LINGO1: variants seen among roughly 807,000 people sequenced by gnomAD.
LINGO1 encodes the protein leucine-rich repeat and immunoglobulin-like domain-containing nogo receptor-interacting protein 1.
In LINGO1, 11 loss-of-function variants were observed where a neutral mutation model predicts 37.3. The ratio of observed to expected loss-of-function variants is 0.29; its 90% confidence interval spans 0.19 to 0.49. LINGO1 has a LOEUF of 0.49. Ranked by LOEUF, LINGO1 falls within the 20% of genes least tolerant of loss-of-function variation. LINGO1 has a pLI of 0.99. For synonymous variants in LINGO1, 387 were observed against 403.0 expected, an observed-to-expected ratio of 0.96 and a Z score of 0.48; for missense variants, 585 against 878.2, an observed-to-expected ratio of 0.67 and a Z score of 4.22.
Position 77,614,935 on chromosome 15 carries a change from G to C in LINGO1, c.972C>G (p.Ala324=), listed in dbSNP as rs550891976. The change falls in exon 2 of 2, where the codon GCC becomes GCG. Residue 324 remains alanine, a synonymous_variant. Coordinates refer to ENST00000355300, the MANE Select transcript of LINGO1 (RefSeq NM_032808.7). ...CGCGGAAGGCATAGGGCTCCACCAC[G>C]GCCAGCTGCCCGCCCACCAGCTGGA... ...QEIQLVGGQL[A]VVEPYAFRGL... 41 of 1,613,940 alleles carry C rather than the reference G, an allele frequency of 2.5e-5. No homozygotes were observed. In the Middle Eastern group the frequency reaches 8.3e-4, roughly 32 times the overall value.
chr15:77,616,289 G>A (rs894901590), intron 1 of LINGO1, among the ~76,000 whole-genome samples: 4 of 152,186 alleles, frequency 2.6e-5, no homozygotes, highest in South Asian at 2.1e-4. Flanking sequence ...CTGCTGAGCC[G>A]CTCTTGGGCT....
At chr15:77,799,838 A>C (rs1337544512) in intron 1 of LINGO1, among the ~76,000 whole-genome samples, 1 of 151,506 alleles carries the variant, frequency 6.6e-6, no homozygotes, top group Non-Finnish European at 1.5e-5. Context: ...GTATTGAGAG[A>C]GTAAGAGGGA....
chr15:77,674,243 G>C (rs139813517), intron 3 of LINGO1, among the ~76,000 whole-genome samples: 15 of 152,172 alleles, frequency 9.9e-5, no homozygotes, highest in Non-Finnish European at 2.1e-4. Flanking sequence ...CATACATGTG[G>C]AATCCATCCA....
At chr15:77,776,351 C>T (rs949185006) in intron 1 of LINGO1, among the ~76,000 whole-genome samples, 4 of 151,506 alleles carry the variant, frequency 2.6e-5, no homozygotes, top group African/African-American at 9.7e-5. Flanking sequence ...TCCAGCACCC[C>T]CTCCACCATG....
intron 3 of LINGO1, chr15:77,647,853 G>C (rs1269987492): frequency 2.2e-6 from 1 of 456,540 alleles, no homozygotes; most frequent in Non-Finnish European, 4.4e-6. Flanking sequence ...TTTCCTGGAA[G>C]GGAACAGCTG....
At position 77,620,939 on chromosome 15, in the gene LINGO1, G is replaced by C. The variant is rs191191826; in HGVS notation, c.7-5039C>G. On this transcript the variant is annotated intron_variant, in intron 1 of 1. Transcript: ENST00000355300. ...CCATAGGCAGCATCTGGAGGTCCAG[G>C]GGGGCAGGGACGTGACTCCCCCACA... 7.9e-5 allele frequency among the ~76,000 whole-genome samples: 12 copies of C among 152,290 alleles called. No individual in the cohort carries two copies. In the East Asian group the frequency reaches 2.3e-3, roughly 29 times the overall value.
rs937329828 is a variant in LINGO1 at position 77,811,965 on chromosome 15, C to T, written c.-458+8293G>A. On this transcript the variant is annotated intron_variant, in intron 1 of 5. Transcript: ENST00000562933. ...AAAATTAAAAAAAAAAAAAATAGCACAGTCACGTGAGCCAGGCAGGAGCCC... is the reference window on the plus strand; with the variant it reads ...AAAATTAAAAAAAAAAAAAATAGCATAGTCACGTGAGCCAGGCAGGAGCCC... Among the ~76,000 whole-genome samples the T allele has an allele frequency of 4.6e-5, 7 of 151,250 alleles. No individual in the cohort carries two copies. The East Asian group carries it at 1.4e-3, about 29-fold the overall frequency.
intron 3 of LINGO1, among the ~76,000 whole-genome samples, chr15:77,669,571 C>T (rs530550579): frequency 3.3e-5 from 5 of 152,232 alleles, no homozygotes; most frequent in African/African-American, 1.2e-4. Context: ...AATGTCCACA[C>T]AGGCTAAGCT....
chr15:77,645,347 G>T (rs1260096371), intron 3 of LINGO1, among the ~76,000 whole-genome samples: 1 of 152,174 alleles, frequency 6.6e-6, no homozygotes, highest in Non-Finnish European at 1.5e-5. Context: ...GTGGGATAGG[G>T]TGGAGGCATG....
chr15:77,691,834 G>A (rs2075609290), intron 1 of LINGO1, among the ~76,000 whole-genome samples: 1 of 152,172 alleles, frequency 6.6e-6, no homozygotes, highest in East Asian at 1.9e-4. Context: ...TGACAATAAC[G>A]AGGTAGAAAA....
intron 2 of LINGO1, among the ~76,000 whole-genome samples, chr15:77,732,155 A>G (rs1256557960): frequency 6.6e-6 from 1 of 152,144 alleles, no homozygotes; most frequent in East Asian, 1.9e-4. Flanking sequence ...CAGAGAAACC[A>G]TGAACCCAAG....
intron 1 of LINGO1, among the ~76,000 whole-genome samples, chr15:77,778,754 G>A (rs118149475): frequency 0.013 from 2,005 of 152,232 alleles, 24 homozygotes; most frequent in Non-Finnish European, 0.021. Context: ...CCTCCCCCTA[G>A]GGCTTCCTAC....
At chr15:77,713,210 T>TTGTGTGTG (rs57831674) in intron 2 of LINGO1, among the ~76,000 whole-genome samples, 5,047 of 123,694 alleles carry the variant, frequency 0.041, 168 homozygotes, top group South Asian at 0.064. Context: ...GCCCAGCTAA[T>TTGTGTGTG]TGTGTGTGTG....
At chr15:77,631,193 G>A (rs962969773) in intron 1 of LINGO1, among the ~76,000 whole-genome samples, 5 of 152,218 alleles carry the variant, frequency 3.3e-5, no homozygotes, top group African/African-American at 4.8e-5. Flanking sequence ...GCCCAGAGCC[G>A]CGGGCCAGGC....
chr15:77,661,437 G>A (rs1381859485), intron 3 of LINGO1, among the ~76,000 whole-genome samples: 1 of 152,200 alleles, frequency 6.6e-6, no homozygotes, highest in African/African-American at 2.4e-5. Context: ...TCCTCGCTGA[G>A]GGTATTCAGC....
chr15:77,764,993 C>G (rs935524852), intron 1 of LINGO1, among the ~76,000 whole-genome samples: 2 of 152,180 alleles, frequency 1.3e-5, no homozygotes, highest in African/African-American at 4.8e-5. Flanking sequence ...CTTCCAAAAC[C>G]CCATCACAAC....
At chr15:77,665,575 GC>G (rs1273073121) in intron 3 of LINGO1, among the ~76,000 whole-genome samples, 1 of 152,196 alleles carries the variant, frequency 6.6e-6, no homozygotes, top group Non-Finnish European at 1.5e-5. Flanking sequence ...GCCAGCCCAA[GC>G]CCAGGTGGCC....
intron 3 of LINGO1, among the ~76,000 whole-genome samples, chr15:77,672,056 C>T (rs1311274536): frequency 6.6e-6 from 1 of 150,598 alleles, no homozygotes; most frequent in Admixed American, 6.6e-5. Context: ...CACATGGGTA[C>T]AGGAACACAG....
At chr15:77,623,932 A>T (rs1380461044) in intron 1 of LINGO1, among the ~76,000 whole-genome samples, 6 of 119,300 alleles carry the variant, frequency 5.0e-5, no homozygotes, top group Admixed American at 8.7e-5. Flanking sequence ...GTGTGTGTGG[A>T]CTGTGTATGT....
Sources: gnomAD v4.1 joint callset for allele counts (sites outside exome capture counted in the v4.1 genomes callset) on GRCh38, gnomAD v4.1.1 for gene constraint, MANE v1.5 for transcripts, NCBI Gene and HGNC (gene_info 2026-07-23, HGNC 2026-07-21) for gene names.